SLC25A26: variants seen among roughly 807,000 people sequenced by gnomAD.
SLC25A26 encodes solute carrier family 25 member 26, also known as mitochondrial S-adenosylmethionine carrier protein.
A neutral mutation model predicts 37.8 loss-of-function variants in SLC25A26; 36 were observed. The observed-to-expected ratio is 0.95, with a 90% CI of 0.73 to 1.26. SLC25A26 has a LOEUF of 1.26. Among genes scored for constraint, SLC25A26 ranks in the 50% most tolerant of loss-of-function variants. The pLI, the probability that SLC25A26 is intolerant of heterozygous loss-of-function variation, is 0.00. For missense variants in SLC25A26, 390 were observed against 331.1 expected, an observed-to-expected ratio of 1.18 and a Z score of -1.38; for synonymous variants, 129 against 122.5, an observed-to-expected ratio of 1.05 and a Z score of -0.35.
At chr3:66,193,171 C>T (rs1323161879) in intron 1 of SLC25A26, among the ~76,000 whole-genome samples, 1 of 151,950 alleles carries the variant, frequency 6.6e-6, no homozygotes, top group Non-Finnish European at 1.5e-5. Flanking sequence ...TGCTTTAAAG[C>T]TATAGTTTAA....
intron 2 of SLC25A26, among the ~76,000 whole-genome samples, chr3:66,242,482 C>T (rs2072627689): frequency 6.6e-6 from 1 of 152,122 alleles, no homozygotes; most frequent in Non-Finnish European, 1.5e-5. Flanking sequence ...AGCTGTTTTC[C>T]TTAGTGTTTC....
At chr3:66,364,545 G>A (rs909587949) in intron 7 of SLC25A26, among the ~76,000 whole-genome samples, 3 of 152,130 alleles carry the variant, frequency 2.0e-5, no homozygotes, top group South Asian at 2.1e-4. Flanking sequence ...ATGAGACTTT[G>A]GGACCCTCCT....
At chr3:66,327,087 C>T (rs1410753263) in intron 5 of SLC25A26, among the ~76,000 whole-genome samples, 1 of 152,158 alleles carries the variant, frequency 6.6e-6, no homozygotes, top group Non-Finnish European at 1.5e-5. Flanking sequence ...ATGACTTCTG[C>T]TCTTTTAGGT....
rs2071249519 is a variant in SLC25A26, at chr3:66,209,712, T to C, written c.-353-11030T>C. On this transcript the variant is annotated intron_variant, in intron 1 of 10. Transcript: ENST00000676754. ...ATAGGTATATATAAATATATAGATA[T>C]ATATATTTTATAGGTATATATTGGT... 4.3e-5 allele frequency among the ~76,000 whole-genome samples: 6 copies of C among 138,390 alleles called. No individual in the cohort carries two copies. The South Asian group carries it at 1.4e-3, about 32-fold the overall frequency. 90.8% of individuals were successfully genotyped at this position (138,390 alleles called of 152,430 possible). A position where few individuals can be genotyped will look rare whatever the true frequency, so the allele number is the denominator to read the frequency against.
In SLC25A26 at chr3:66,235,154, G is replaced by A. The variant is rs149597702; in HGVS notation, c.34-1390G>A. Among the ~76,000 whole-genome samples the A allele has an allele frequency of 3.8e-3, 585 of 152,244 alleles. 4 individuals carry two copies. The highest frequency in any genetic ancestry group is 0.014 in the African/African-American group (563 of 41,550). On this transcript the variant is annotated intron_variant, in intron 1 of 9. Transcript: ENST00000354883. ...ACAACTAATGATCCTTGTGAATCTA[G>A]ATCTGTATTTTAATAATCACACATG...
intron 5 of SLC25A26, among the ~76,000 whole-genome samples, chr3:66,292,661 C>T (rs1368771691): frequency 6.6e-6 from 1 of 152,180 alleles, no homozygotes; most frequent in Non-Finnish European, 1.5e-5. Flanking sequence ...GCAGAGAGAC[C>T]TGCTGTTAGT....
chr3:66,215,560 T>C (rs1051245954), intron 1 of SLC25A26, among the ~76,000 whole-genome samples: 23 of 152,298 alleles, frequency 1.5e-4, no homozygotes, highest in Admixed American at 5.9e-4. Flanking sequence ...GATCAAACAT[T>C]ATTTTCTTCT....
intron 2 of SLC25A26, among the ~76,000 whole-genome samples, chr3:66,240,791 G>A (rs1210712239): frequency 1.4e-5 from 2 of 144,936 alleles, no homozygotes; most frequent in Non-Finnish European, 3.0e-5. Flanking sequence ...TTTCACCCAG[G>A]CTGGAGTGCA....
chr3:66,333,356 G>GT (rs145672209), intron 5 of SLC25A26, among the ~76,000 whole-genome samples: 2,383 of 152,178 alleles, frequency 0.016, 76 homozygotes, highest in African/African-American at 0.055. Flanking sequence ...GCTTTGAGCT[G>GT]TTTTTTCCAT....
At chr3:66,292,960 A>G (rs745757189) in intron 5 of SLC25A26, among the ~76,000 whole-genome samples, 3 of 151,840 alleles carry the variant, frequency 2.0e-5, no homozygotes, top group Non-Finnish European at 4.4e-5. Context: ...ATAGTCCTAT[A>G]TTTCTTGGAG....
intron 5 of SLC25A26, among the ~76,000 whole-genome samples, chr3:66,335,438 A>G (rs1453536901): frequency 6.6e-6 from 1 of 152,138 alleles, no homozygotes; most frequent in Admixed American, 6.5e-5. Context: ...TATATAATTG[A>G]TATTCACTTT....
intron 1 of SLC25A26, among the ~76,000 whole-genome samples, chr3:66,162,900 T>A (rs1323104427): frequency 2.6e-5 from 4 of 152,166 alleles, no homozygotes; most frequent in Non-Finnish European, 5.9e-5. Flanking sequence ...TGAGAAAGCT[T>A]AGGCTCAGAG....
chr3:66,209,666 A>T (rs1471709363), intron 1 of SLC25A26, among the ~76,000 whole-genome samples: 1 of 139,204 alleles, frequency 7.2e-6, no homozygotes, highest in Non-Finnish European at 1.5e-5. Flanking sequence ...ATATATAAAT[A>T]TATATATTTT....
Position 66,227,425 on chromosome 3 carries a change from G to A in SLC25A26, c.33+6298G>A, listed in dbSNP as rs1373861150. ...TCGTGTGCATTTATTACTGGGAGATGAGGTAACAACTATTTGCTGTCTGTG... is the reference window on the plus strand; with the variant it reads ...TCGTGTGCATTTATTACTGGGAGATAAGGTAACAACTATTTGCTGTCTGTG... On this transcript the variant is annotated intron_variant, in intron 1 of 9. Transcript: ENST00000354883. Among the ~76,000 whole-genome samples, 7 of 152,116 alleles carry A rather than the reference G, an allele frequency of 4.6e-5. No individual in the cohort carries two copies. In the East Asian group the frequency reaches 1.3e-3, roughly 29 times the overall value.
At chr3:66,174,907 G>C (rs2070555337) in intron 1 of SLC25A26, among the ~76,000 whole-genome samples, 1 of 151,606 alleles carries the variant, frequency 6.6e-6, no homozygotes, top group African/African-American at 2.4e-5. Flanking sequence ...GCTTGGTCCA[G>C]CTGGCACCAC....
intron 1 of SLC25A26, among the ~76,000 whole-genome samples, chr3:66,163,069 C>T (rs1005526353): frequency 6.6e-6 from 1 of 152,170 alleles, no homozygotes; most frequent in Non-Finnish European, 1.5e-5. Context: ...CCAAGAAGCC[C>T]TGCAGTGCAT....
intron 5 of SLC25A26, among the ~76,000 whole-genome samples, chr3:66,280,238 C>T (rs2074291489): frequency 6.6e-6 from 1 of 152,134 alleles, no homozygotes; most frequent in South Asian, 2.1e-4. Flanking sequence ...CATTATTTTT[C>T]TGTATTTGAA....
chr3:66,349,406 G>T (rs560701031), intron 6 of SLC25A26, among the ~76,000 whole-genome samples: 1 of 151,868 alleles, frequency 6.6e-6, no homozygotes, highest in African/African-American at 2.4e-5. Flanking sequence ...GTGAGCCACT[G>T]TTCTGTAGTC....
intron 1 of SLC25A26, among the ~76,000 whole-genome samples, chr3:66,150,022 C>A (rs2070176664): frequency 6.6e-6 from 1 of 152,032 alleles, no homozygotes; most frequent in Non-Finnish European, 1.5e-5. Context: ...AAACGTGGGG[C>A]TTTTCAAGGT....
Sources: gnomAD v4.1 joint callset for allele counts (sites outside exome capture counted in the v4.1 genomes callset) on GRCh38, gnomAD v4.1.1 for gene constraint, MANE v1.5 for transcripts, NCBI Gene and HGNC (gene_info 2026-07-23, HGNC 2026-07-21) for gene names.